The following ZNF451 variants were observed in gnomAD, a reference collection of about 807,000 sequenced individuals.
The protein encoded by ZNF451 is zinc finger protein 451.
Under a neutral mutation model 107.1 loss-of-function variants are expected in ZNF451, and 80 were observed. That is an observed-to-expected ratio of 0.75 (90% CI 0.62 to 0.90). The LOEUF (loss-of-function observed/expected upper bound fraction) is 0.90. Ranked by LOEUF, ZNF451 falls within the 40% of genes least tolerant of loss-of-function variation. The probability of loss-of-function intolerance (pLI) is 0.00; values close to 1 mark genes in which losing one functional copy is unlikely to be tolerated. For synonymous variants in ZNF451, 362 were observed against 406.5 expected (o/e 0.89, Z 1.32); for missense variants, 1,107 against 1,236.2 (o/e 0.90, Z 1.57).
At chr6:57,156,689 A>G (rs1317349476) in intron 13 of ZNF451, among the ~76,000 whole-genome samples, 1 of 152,194 alleles carries the variant, frequency 6.6e-6, no homozygotes. Flanking sequence ...ACGCTTCTAG[A>G]TGCCAATCAA....
In ZNF451 at chr6:57,170,291, T is replaced by G. The variant is rs1457449387; in HGVS notation, c.*1822T>G. 6.6e-6 allele frequency: 1 copy of G among 152,228 alleles called. No homozygotes were observed. Among genetic ancestry groups the G allele is most frequent in the Non-Finnish European group, 1.5e-5 (1 of 68,042 alleles). 9.4% of individuals were successfully genotyped at this position (152,228 alleles called of 1,614,324 possible). A position where few individuals can be genotyped will look rare whatever the true frequency, so the allele number is the denominator to read the frequency against. ...TGGATTATCGTCAGAAGTAAATGTT[T>G]CTAACATTGACAAAGATGCTTATCT... On this transcript the variant is annotated 3_prime_UTR_variant, in exon 15 of 15. Coordinates refer to ENST00000370706, the MANE Select transcript of ZNF451 (RefSeq NM_001031623.3).
chr6:57,109,536 T>C (rs536292569), intron 3 of ZNF451: 29 of 985,466 alleles, frequency 2.9e-5, no homozygotes, highest in Non-Finnish European at 3.5e-5. Flanking sequence ...GCTGTTTCTA[T>C]TCATATTGGA....
At chr6:57,115,084 A>T (rs1014082729) in intron 3 of ZNF451, 1 of 152,148 alleles carries the variant, frequency 6.6e-6, no homozygotes, top group Non-Finnish European at 1.5e-5. Context: ...ATACTGCAAG[A>T]CTCTGTCTTC....
chr6:57,098,579 A>G (rs1457063693), intron 2 of ZNF451, among the ~76,000 whole-genome samples: 1 of 152,168 alleles, frequency 6.6e-6, no homozygotes, highest in Admixed American at 6.5e-5. Flanking sequence ...TAAGCCTGAC[A>G]TTCAAGGCCT....
At chr6:57,113,620 A>ATTTTT (rs869045366) in intron 3 of ZNF451, among the ~76,000 whole-genome samples, 1 of 137,228 alleles carries the variant, frequency 7.3e-6, no homozygotes, top group Non-Finnish European at 1.6e-5. Context: ...AGAAAAAAAA[A>ATTTTT]TTTTTTTTTT....
At chr6:57,111,956 T>TA (rs1214340346) in intron 3 of ZNF451, among the ~76,000 whole-genome samples, 2 of 152,204 alleles carry the variant, frequency 1.3e-5, no homozygotes, top group African/African-American at 4.8e-5. Context: ...TGTAAACAAC[T>TA]AATTGGGGGT....
chr6:57,145,020 T>G lies in ZNF451; in HGVS notation c.1005-2070T>G, dbSNP rs146908942. ...TAATTTATAAACATTTAGGGATTTG[T>G]ATTATTTTTTGTTTCCAATTTAATT... is the stretch of plus-strand genomic sequence containing the variant. On this transcript the variant is annotated intron_variant, in intron 9 of 14. Transcript: ENST00000370706. 3.9e-3 allele frequency among the ~76,000 whole-genome samples: 601 copies of G among 152,354 alleles called. 4 individuals carry two copies. The highest frequency in any genetic ancestry group is 0.014 in the African/African-American group (582 of 41,580).
intron 3 of ZNF451, among the ~76,000 whole-genome samples, chr6:57,123,689 A>G (rs1830756608): frequency 1.3e-5 from 2 of 152,072 alleles, no homozygotes; most frequent in African/African-American, 4.8e-5. Flanking sequence ...AAAAAGTTTT[A>G]TGTGTTATTT....
At chr6:57,109,792 GTGTATA>G in intron 3 of ZNF451, 2 of 817,972 alleles carry the variant, frequency 2.4e-6, no homozygotes, top group Non-Finnish European at 3.0e-6. Context: ...AGGAGTTAGA[GTGTATA>G]TGTATGTGTA....
chr6:57,145,074 C>A (rs1301790191), intron 9 of ZNF451, among the ~76,000 whole-genome samples: 1 of 151,912 alleles, frequency 6.6e-6, no homozygotes, highest in African/African-American at 2.4e-5. Context: ...ATATTTTGTA[C>A]AGTTTTTTTC....
intron 2 of ZNF451, among the ~76,000 whole-genome samples, chr6:57,095,623 A>G (rs950639993): frequency 2.6e-5 from 4 of 151,382 alleles, no homozygotes; most frequent in Non-Finnish European, 4.4e-5. Flanking sequence ...GTGATCTACC[A>G]CGCTCGTCTG....
intron 5 of ZNF451, among the ~76,000 whole-genome samples, chr6:57,132,699 T>C (rs1831239301): frequency 6.6e-6 from 1 of 152,012 alleles, no homozygotes; most frequent in Non-Finnish European, 1.5e-5. Context: ...AGGATTTTTT[T>C]TCCCTAAAGG....
intron 14 of ZNF451, among the ~76,000 whole-genome samples, chr6:57,162,373 C>T (rs767385650): frequency 6.6e-6 from 1 of 152,134 alleles, no homozygotes; most frequent in Non-Finnish European, 1.5e-5. Context: ...GCAGTGGAAT[C>T]GATTCATCCA....
At chr6:57,166,130 C>T (rs1428437059) in intron 14 of ZNF451, among the ~76,000 whole-genome samples, 3 of 151,954 alleles carry the variant, frequency 2.0e-5, no homozygotes, top group Non-Finnish European at 4.4e-5. Flanking sequence ...CAGGTTTAAG[C>T]GATTCTCCCA....
At chr6:57,152,864 G>A (rs1177911728) in intron 12 of ZNF451, among the ~76,000 whole-genome samples, 1 of 152,158 alleles carries the variant, frequency 6.6e-6, no homozygotes, top group Non-Finnish European at 1.5e-5. Context: ...AAAGTGCTGG[G>A]ATTACAGGTG....
At chr6:57,136,053 A>G (rs1021918572) in intron 7 of ZNF451, among the ~76,000 whole-genome samples, 6 of 152,156 alleles carry the variant, frequency 3.9e-5, no homozygotes, top group African/African-American at 1.4e-4. Context: ...GGCACTAGAG[A>G]ACATTCCCAG....
chr6:57,102,139 A>G, intron 3 of ZNF451: 2 of 1,455,786 alleles, frequency 1.4e-6, no homozygotes, highest in Non-Finnish European at 1.8e-6. Flanking sequence ...CAAGATCCTA[A>G]CTATTTTACT....
chr6:57,148,263 GA>G lies in ZNF451; in HGVS notation c.2179del (p.Ser727ValfsTer39). ...SNQLTCGCRE[S>X]YICKVNRKED... is the part of the protein sequence containing the mutation. ...ACCAGTTAACTTGTGGTTGCCGTGA[GA>G]GTTACATCTGTAAAGTCAACAGAAA... is the stretch of plus-strand genomic sequence containing the variant. On this transcript the variant is annotated frameshift_variant, in exon 10 of 15. Transcript: ENST00000370706. LOFTEE classifies it high-confidence loss of function. 3 of 1,613,952 alleles carry G rather than the reference GA, an allele frequency of 1.9e-6. No homozygotes were observed. The highest frequency in any genetic ancestry group is 2.5e-6 in the Non-Finnish European group (3 of 1,179,952).
intron 3 of ZNF451, chr6:57,099,603 C>CT: frequency 1.4e-6 from 1 of 694,128 alleles, no homozygotes; most frequent in Non-Finnish European, 2.6e-6. Flanking sequence ...GGATATATTA[C>CT]TTCAGTCATC....
Sources: gnomAD v4.1 joint callset for allele counts (sites outside exome capture counted in the v4.1 genomes callset) on GRCh38, gnomAD v4.1.1 for gene constraint, MANE v1.5 for transcripts, NCBI Gene and HGNC (gene_info 2026-07-23, HGNC 2026-07-21) for gene names.